Variants in POF1B observed in about 807,000 individuals in gnomAD.
POF1B encodes POF1B actin binding protein, also known as protein POF1B.
In POF1B, 53 loss-of-function variants were observed where a neutral mutation model predicts 55.3. That is an observed-to-expected ratio of 0.96 (90% CI 0.77 to 1.20). The LOEUF (loss-of-function observed/expected upper bound fraction) is 1.20, where lower values mean the gene tolerates loss of function less well. Ranked by LOEUF, POF1B falls within the 50% of genes most tolerant of loss-of-function variation. POF1B has a pLI of 0.00. For synonymous variants in POF1B, 188 were observed against 148.3 expected (o/e 1.27, Z -1.95); for missense variants, 478 against 420.5 (o/e 1.14, Z -1.20).
intron 4 of POF1B, among the ~76,000 whole-genome samples, chrX:85,355,507 C>A (rs1368396638): frequency 9.0e-6 from 1 of 111,605 alleles, no homozygotes; most frequent in Admixed American, 9.5e-5. Context: ...AAACTACCAT[C>A]AGAGTGAAAA....
At chrX:85,374,572 A>G (rs1244942001) in intron 2 of POF1B, among the ~76,000 whole-genome samples, 3 of 112,571 alleles carry the variant, frequency 2.7e-5, no homozygotes, top group Non-Finnish European at 5.6e-5. Context: ...TATACAGTAT[A>G]ATATTCCATG....
chrX:85,308,249 A>G (rs202030630), intron 9 of POF1B, 33 bp from the exon 10 acceptor site: 1 of 989,294 alleles, frequency 1.0e-6, no homozygotes, highest in East Asian at 3.3e-5. Context: ...GTTTAGTTTT[A>G]TTAACATTTG....
chrX:85,339,669 C>T (rs1399211753), intron 6 of POF1B, among the ~76,000 whole-genome samples: 1 of 110,630 alleles, frequency 9.0e-6, no homozygotes, highest in Non-Finnish European at 1.9e-5. Flanking sequence ...GAGAATATAG[C>T]ATCTGAGAGT....
intron 4 of POF1B, among the ~76,000 whole-genome samples, chrX:85,352,776 A>C (rs1381135547): frequency 9.0e-6 from 1 of 111,380 alleles, no homozygotes. Flanking sequence ...TTGAGGCATA[A>C]AAATATAAGT....
chrX:85,311,083 A>G (rs921308847), intron 9 of POF1B, among the ~76,000 whole-genome samples: 9 of 112,014 alleles, frequency 8.0e-5, no homozygotes, highest in African/African-American at 2.9e-4. Flanking sequence ...AAGAATAGCT[A>G]AAAGAAGTTG....
At chrX:85,304,543 G>T (rs986166676) in intron 13 of POF1B, 72 bp from the exon 14 acceptor site, 3 of 629,358 alleles carry the variant, frequency 4.8e-6, no homozygotes, top group African/African-American at 4.7e-5. Context: ...TTCCAGGGAG[G>T]TTAAGTGACA....
chrX:85,305,357 C>T (rs757255089), intron 13 of POF1B, among the ~76,000 whole-genome samples: 131 of 110,842 alleles, frequency 1.2e-3, no homozygotes, highest in African/African-American at 4.1e-3. Flanking sequence ...AAACTTAACA[C>T]TGTTTTCCTC....
intron 2 of POF1B, among the ~76,000 whole-genome samples, chrX:85,368,605 C>G (rs1338275668): frequency 9.0e-6 from 1 of 111,303 alleles, no homozygotes; most frequent in Non-Finnish European, 1.9e-5. Flanking sequence ...AATTTTAAAT[C>G]ACTTCAAGCT....
chrX:85,314,722 C>G (rs1171202849), intron 8 of POF1B, among the ~76,000 whole-genome samples: 1 of 111,516 alleles, frequency 9.0e-6, no homozygotes, highest in Admixed American at 9.5e-5. Context: ...ATCCTGAATT[C>G]CACGCATTTT....
chrX:85,333,593 A>G lies in POF1B; in HGVS notation c.724-2514T>C, dbSNP rs766035535. On this transcript the variant is annotated intron_variant, in intron 6 of 16. Transcript: ENST00000262753. ...TTCTCTCTTAAAGCCTCCAACAACA[A>G]CAACAACAAATGGTTAACAAAGTCA... 7.2e-5 allele frequency among the ~76,000 whole-genome samples: 8 copies of G among 111,051 alleles called. No homozygotes were observed. In the East Asian group the frequency reaches 2.3e-3, roughly 32 times the overall value.
At chrX:85,343,222 C>A (rs979913263) in intron 6 of POF1B, among the ~76,000 whole-genome samples, 2 of 109,267 alleles carry the variant, frequency 1.8e-5, no homozygotes, top group Admixed American at 2.0e-4. Flanking sequence ...GGAAAAAAAG[C>A]GGAATTTAAT....
At chrX:85,363,288 C>A (rs1933659055) in intron 3 of POF1B, among the ~76,000 whole-genome samples, 1 of 111,004 alleles carries the variant, frequency 9.0e-6, no homozygotes, top group Non-Finnish European at 1.9e-5. Flanking sequence ...CTTCTGCTAG[C>A]TTTGGGTTTG....
chrX:85,343,237 T>A (rs1933209526), intron 6 of POF1B, among the ~76,000 whole-genome samples: 1 of 109,759 alleles, frequency 9.1e-6, no homozygotes. Context: ...TTTAATAAAA[T>A]TAAAGAAAAA....
At chrX:85,285,406 G>A (rs1343506413) in intron 15 of POF1B, among the ~76,000 whole-genome samples, 2 of 110,908 alleles carry the variant, frequency 1.8e-5, no homozygotes, top group Non-Finnish European at 3.8e-5. Context: ...CAACCCAAAT[G>A]TCCATCAATG....
At chrX:85,346,274 T>G (rs1285557149) in intron 5 of POF1B, among the ~76,000 whole-genome samples, 1 of 110,157 alleles carries the variant, frequency 9.1e-6, no homozygotes, top group African/African-American at 3.3e-5. Context: ...CTTATGTAGA[T>G]TGGCCAAGGC....
At chrX:85,290,765 A>G (rs1434919086) in intron 15 of POF1B, among the ~76,000 whole-genome samples, 3 of 111,716 alleles carry the variant, frequency 2.7e-5, no homozygotes, top group Non-Finnish European at 5.6e-5. Flanking sequence ...TGAGAAGTGT[A>G]TGTTCATATC....
intron 9 of POF1B, among the ~76,000 whole-genome samples, chrX:85,311,706 T>A (rs1932702594): frequency 2.7e-5 from 3 of 112,241 alleles, no homozygotes; most frequent in East Asian, 5.6e-4. Flanking sequence ...ATATACCCAG[T>A]AATGGGATTG....
intron 7 of POF1B, among the ~76,000 whole-genome samples, chrX:85,316,666 A>G (rs1231119489): frequency 9.0e-6 from 1 of 111,667 alleles, no homozygotes; most frequent in African/African-American, 3.3e-5. Context: ...TTTTATTTAA[A>G]GTAATTAACT....
At chrX:85,366,239 T>C (rs1431365697) in intron 3 of POF1B, among the ~76,000 whole-genome samples, 1 of 111,431 alleles carries the variant, frequency 9.0e-6, no homozygotes, top group African/African-American at 3.3e-5. Flanking sequence ...TAATCATCCA[T>C]AGGCTGGAAT....
Sources: gnomAD v4.1 joint callset for allele counts (sites outside exome capture counted in the v4.1 genomes callset) on GRCh38, gnomAD v4.1.1 for gene constraint, MANE v1.5 for transcripts, NCBI Gene and HGNC (gene_info 2026-07-23, HGNC 2026-07-21) for gene names.